The following AMPH variants were observed in gnomAD, a reference collection of about 807,000 sequenced individuals.
AMPH encodes the protein amphiphysin (Stiff-Mann syndrome with breast cancer 128kD autoantigen).
In AMPH, 49 loss-of-function variants were observed where a neutral mutation model predicts 99.1. The observed-to-expected ratio is 0.49, with a 90% CI of 0.39 to 0.63. The LOEUF is 0.63. Among genes scored for constraint, AMPH ranks in the 20% least tolerant of loss-of-function variants. The probability of loss-of-function intolerance (pLI) is 0.00; values close to 1 mark genes in which losing one functional copy is unlikely to be tolerated. For missense variants in AMPH, 759 were observed against 863.4 expected (o/e 0.88, Z 1.52); for synonymous variants, 314 against 317.3 (o/e 0.99, Z 0.11).
chr7:38,393,508 T>A (rs191554316), intron 18 of AMPH, among the ~76,000 whole-genome samples: 19 of 152,284 alleles, frequency 1.2e-4, no homozygotes, highest in African/African-American at 4.3e-4. Context: ...ATGGCCCTGG[T>A]CCCTTTGTTT....
intron 1 of AMPH, among the ~76,000 whole-genome samples, chr7:38,569,487 T>G (rs150552339): frequency 1.3e-5 from 2 of 151,598 alleles, no homozygotes; most frequent in African/African-American, 2.4e-5. Context: ...AACCACCTGA[T>G]AGAAGTACTT....
intron 11 of AMPH, among the ~76,000 whole-genome samples, chr7:38,438,355 G>A (rs1323200788): frequency 6.6e-6 from 1 of 152,192 alleles, no homozygotes; most frequent in Non-Finnish European, 1.5e-5. Flanking sequence ...AGAATGAAGA[G>A]AATTGGCTGA....
chr7:38,593,382 G>A (rs1792930649), intron 1 of AMPH, among the ~76,000 whole-genome samples: 1 of 152,180 alleles, frequency 6.6e-6, no homozygotes, highest in Non-Finnish European at 1.5e-5. Context: ...CTCCCAGTGT[G>A]CCCTACCAAA....
intron 1 of AMPH, among the ~76,000 whole-genome samples, chr7:38,615,736 T>A (rs1008355543): frequency 3.3e-5 from 5 of 152,124 alleles, no homozygotes; most frequent in Non-Finnish European, 7.4e-5. Flanking sequence ...AGCTGCACAG[T>A]GTAGCCAGGC....
At chr7:38,463,887 G>A (rs988050654) in intron 9 of AMPH, among the ~76,000 whole-genome samples, 5 of 152,190 alleles carry the variant, frequency 3.3e-5, no homozygotes, top group Non-Finnish European at 5.9e-5. Context: ...TCTACAGCTC[G>A]AAGAAACAGA....
intron 1 of AMPH, among the ~76,000 whole-genome samples, chr7:38,536,985 T>C (rs1279192153): frequency 6.6e-6 from 1 of 152,220 alleles, no homozygotes; most frequent in African/African-American, 2.4e-5. Flanking sequence ...GTGATCATTA[T>C]TTTCTTCTTT....
At chr7:38,419,075 C>T (rs1785495331) in intron 16 of AMPH, among the ~76,000 whole-genome samples, 1 of 151,870 alleles carries the variant, frequency 6.6e-6, no homozygotes, top group South Asian at 2.1e-4. Flanking sequence ...CACCAGAACA[C>T]TTAAACTAAA....
chr7:38,582,648 A>G (rs138110908), intron 1 of AMPH, among the ~76,000 whole-genome samples: 2 of 152,336 alleles, frequency 1.3e-5, no homozygotes, highest in East Asian at 3.9e-4. Flanking sequence ...ATAAACTACA[A>G]TTCTTTGGAG....
chr7:38,616,906 C>T (rs1442767504), intron 1 of AMPH, among the ~76,000 whole-genome samples: 2 of 151,904 alleles, frequency 1.3e-5, no homozygotes, highest in African/African-American at 4.8e-5. Flanking sequence ...CTGGAATTAC[C>T]CTGTGACTTC....
At chr7:38,534,303 C>A (rs1191561677) in intron 2 of AMPH, among the ~76,000 whole-genome samples, 1 of 152,116 alleles carries the variant, frequency 6.6e-6, no homozygotes, top group Admixed American at 6.6e-5. Context: ...AAGTGTTAAA[C>A]TACTGCTTTT....
rs1331672559 is a variant in AMPH at position 38,631,325 on chromosome 7, G to A, written c.27C>T (p.Phe9=). 1.9e-6 allele frequency: 3 copies of A among 1,555,146 alleles called. No individual in the cohort carries two copies. Among genetic ancestry groups the A allele is most frequent in the Non-Finnish European group, 1.7e-6 (2 of 1,151,482 alleles). The change falls in exon 1 of 21, where the codon TTC becomes TTT. Residue 9 remains phenylalanine (F), a synonymous_variant. Coordinates refer to ENST00000356264, the MANE Select transcript of AMPH (RefSeq NM_001635.4). MADIKTGI[F]AKNVQKRLNR... is the part of the protein sequence containing the mutation. ...TGAGTCGCTTCTGGACGTTCTTGGCGAAGATGCCCGTCTTGATGTCGGCCA... is the reference window on the plus strand; with the variant it reads ...TGAGTCGCTTCTGGACGTTCTTGGCAAAGATGCCCGTCTTGATGTCGGCCA...
intron 1 of AMPH, among the ~76,000 whole-genome samples, chr7:38,537,927 G>A (rs1046012737): frequency 1.3e-5 from 2 of 152,170 alleles, no homozygotes; most frequent in African/African-American, 4.8e-5. Context: ...GCAGGGAGAA[G>A]AAAAGACCCA....
At chr7:38,415,749 T>C (rs1785362164) in intron 17 of AMPH, among the ~76,000 whole-genome samples, 1 of 152,056 alleles carries the variant, frequency 6.6e-6, no homozygotes, top group Non-Finnish European at 1.5e-5. Flanking sequence ...TTGTTACTAT[T>C]ATTTTTCAGT....
intron 11 of AMPH, among the ~76,000 whole-genome samples, chr7:38,437,639 A>AAAAAAAAAAAG: frequency 1.0e-5 from 1 of 96,738 alleles, no homozygotes; most frequent in Non-Finnish European, 1.9e-5. Flanking sequence ...AAAAAAAAAA[A>AAAAAAAAAAAG]AAAAGAAAAG....
At chr7:38,572,254 T>A (rs545798055) in intron 1 of AMPH, among the ~76,000 whole-genome samples, 7 of 152,276 alleles carry the variant, frequency 4.6e-5, no homozygotes, top group Middle Eastern at 3.4e-3. Context: ...GTGCCTTTTC[T>A]ATGTTTAGAT....
chr7:38,601,251 T>G (rs972264771), intron 1 of AMPH, among the ~76,000 whole-genome samples: 1 of 152,196 alleles, frequency 6.6e-6, no homozygotes, highest in Non-Finnish European at 1.5e-5. Flanking sequence ...ACTGCAACAG[T>G]TGTCCCGAGA....
chr7:38,544,445 G>C (rs1790921903), intron 1 of AMPH, among the ~76,000 whole-genome samples: 2 of 152,114 alleles, frequency 1.3e-5, no homozygotes. Context: ...TAGATACTGG[G>C]TTCTATATCT....
chr7:38,401,269 T>C (rs1784832818), intron 17 of AMPH, among the ~76,000 whole-genome samples: 1 of 152,234 alleles, frequency 6.6e-6, no homozygotes, highest in Admixed American at 6.5e-5. Flanking sequence ...GATGTCTCCA[T>C]TAAACATGTT....
intron 17 of AMPH, among the ~76,000 whole-genome samples, chr7:38,397,053 CTCTA>C (rs1167208767): frequency 6.6e-6 from 1 of 152,210 alleles, no homozygotes; most frequent in African/African-American, 2.4e-5. Context: ...AGCAGATGGA[CTCTA>C]TCTACATGCA....
Sources: gnomAD v4.1 joint callset for allele counts (sites outside exome capture counted in the v4.1 genomes callset) on GRCh38, gnomAD v4.1.1 for gene constraint, MANE v1.5 for transcripts, NCBI Gene and HGNC (gene_info 2026-07-23, HGNC 2026-07-21) for gene names.